The following PRPF3 variants were observed in gnomAD, a reference collection of about 807,000 sequenced individuals.
PRPF3 encodes pre-mRNA processing factor 3.
Under a neutral mutation model 89.2 loss-of-function variants are expected in PRPF3, and 3 were observed. The observed-to-expected ratio is 0.03, with a 90% confidence interval of 0.02 to 0.09. The LOEUF is 0.09. PRPF3 is among the 10% of genes least tolerant of loss of function. The pLI, the probability that PRPF3 is intolerant of heterozygous loss-of-function variation, is 1.00. For synonymous variants in PRPF3, 270 were observed against 289.1 expected, an observed-to-expected ratio of 0.93 and a Z score of 0.67; for missense variants, 463 against 828.8, an observed-to-expected ratio of 0.56 and a Z score of 5.42.
chr1:150,334,916 T>G lies in PRPF3; in HGVS notation c.729-19T>G. The stretch of plus-strand genomic sequence containing the variant: ...TAATGTTCCATACAGGATTTATTTC[T>G]TTGCGGGCTATTTTTCAGGAAGGTG... On this transcript the variant is annotated intron_variant, in intron 6 of 15. Coordinates refer to ENST00000324862, the MANE Select transcript of PRPF3 (RefSeq NM_004698.4). 2 of 1,613,850 alleles carry G rather than the reference T, an allele frequency of 1.2e-6. No individual in the cohort carries two copies. The highest frequency in any genetic ancestry group is 1.7e-6 in the Non-Finnish European group (2 of 1,179,916).
intron 4 of PRPF3, among the ~76,000 whole-genome samples, chr1:150,332,104 G>T (rs1456846738): frequency 5.9e-5 from 9 of 151,854 alleles, no homozygotes; most frequent in Admixed American, 5.3e-4. Context: ...GGCGCCTATA[G>T]TCCCAGCTAC....
intron 7 of PRPF3, among the ~76,000 whole-genome samples, chr1:150,335,750 C>T (rs1218385946): frequency 3.7e-5 from 5 of 134,662 alleles, no homozygotes; most frequent in Non-Finnish European, 7.7e-5. Flanking sequence ...CAGGCGTGAG[C>T]CACCGCCCCC....
At chr1:150,328,236 A>G in intron 3 of PRPF3, 84 bp from the exon 4 acceptor site, 3 of 1,553,558 alleles carry the variant, frequency 1.9e-6, no homozygotes, top group Non-Finnish European at 2.7e-6. Flanking sequence ...GAATAGCCAG[A>G]AAATGCTGGT....
chr1:150,326,792 T>C (rs923399723), intron 3 of PRPF3, among the ~76,000 whole-genome samples: 80 of 152,226 alleles, frequency 5.3e-4, no homozygotes, highest in African/African-American at 1.7e-3. Flanking sequence ...TGTCAGGCAG[T>C]GTGGCATGTG....
At chr1:150,328,547 ATTTTTTT>A (rs34437719) in intron 4 of PRPF3, 81 bp downstream of exon 4, 164 of 580,902 alleles carry the variant, frequency 2.8e-4, no homozygotes, top group Non-Finnish European at 3.6e-4. Context: ...TTATTGTGGA[ATTTTTTT>A]TTTTTTTTTT....
chr1:150,349,041 C>T, intron 14 of PRPF3, 116 bp from the exon 15 acceptor site: 1 of 875,316 alleles, frequency 1.1e-6, no homozygotes, highest in Middle Eastern at 2.2e-4. Context: ...AAAGAGAACA[C>T]TTGGTCCAAC....
chr1:150,324,367 C>T (rs1413127755), intron 1 of PRPF3, among the ~76,000 whole-genome samples: 1 of 152,180 alleles, frequency 6.6e-6, no homozygotes, highest in Non-Finnish European at 1.5e-5. Flanking sequence ...TTTGTTTATT[C>T]CGCAGATTTC....
chr1:150,323,013 T>G (rs1553862583), intron 1 of PRPF3, among the ~76,000 whole-genome samples: 1 of 151,648 alleles, frequency 6.6e-6, no homozygotes, highest in African/African-American at 2.4e-5. Context: ...TAGCTGGGAT[T>G]ACAGGTGCAG....
intron 1 of PRPF3, among the ~76,000 whole-genome samples, chr1:150,324,042 G>T (rs1655421614): frequency 6.6e-6 from 1 of 151,994 alleles, no homozygotes; most frequent in Admixed American, 6.6e-5. Flanking sequence ...GCCTCCCAAA[G>T]TGCTGGGATT....
intron 15 of PRPF3, among the ~76,000 whole-genome samples, 190 bp from the exon 16 acceptor site, chr1:150,352,643 C>T (rs187954098): frequency 2.6e-5 from 4 of 152,156 alleles, no homozygotes; most frequent in South Asian, 4.1e-4. Context: ...CCAGCCTGGG[C>T]GACAGAGCGA....
At chr1:150,335,338 A>G (rs587730822) in intron 7 of PRPF3, 97 bp downstream of exon 7, 1 of 1,410,370 alleles carries the variant, frequency 7.1e-7, no homozygotes, top group African/African-American at 1.4e-5. Context: ...TTAGATAAAT[A>G]GGTCATTTAA....
intron 1 of PRPF3, among the ~76,000 whole-genome samples, chr1:150,323,449 G>A (rs1335347477): frequency 1.3e-5 from 2 of 151,720 alleles, no homozygotes; most frequent in Non-Finnish European, 2.9e-5. Context: ...TTACCTGGCC[G>A]ATATGGTGAA....
Position 150,341,813 on chromosome 1 carries a change from C to T in PRPF3, c.1282+1336C>T, listed in dbSNP as rs782769269. Among the ~76,000 whole-genome samples the T allele has an allele frequency of 1.3e-4, 20 of 151,526 alleles. 1 individual carries two copies. Among genetic ancestry groups the T allele is most frequent in the African/African-American group, 4.4e-4 (18 of 41,358 alleles). Reference sequence around the variant, plus strand: ...CACCCCCCTGGGTTGAAGCTATTCTCCGGCCTTAGCCTCCGGAGTAGCTTG... The same window carrying T: ...CACCCCCCTGGGTTGAAGCTATTCTTCGGCCTTAGCCTCCGGAGTAGCTTG... On this transcript the variant is annotated intron_variant, in intron 9 of 15. Coordinates refer to ENST00000324862, the MANE Select transcript of PRPF3 (RefSeq NM_004698.4).
chr1:150,331,659 C>G (rs192147370), intron 4 of PRPF3, among the ~76,000 whole-genome samples: 6 of 152,316 alleles, frequency 3.9e-5, no homozygotes, highest in Admixed American at 2.6e-4. Context: ...GCCACCATGC[C>G]TGACCCTTCC....
chr1:150,344,613 C>A lies in PRPF3; in HGVS notation c.1640+66C>A, dbSNP rs587613404. 2.4e-3 allele frequency: 3,616 copies of A among 1,538,552 alleles called. 6 individuals are homozygous for A. The highest frequency in any genetic ancestry group is 2.9e-3 in the Non-Finnish European group (3,201 of 1,121,480). On this transcript the variant is annotated intron_variant, in intron 12 of 15. Transcript: ENST00000324862. Reference sequence around the variant, plus strand: ...TAAAACATTTTCCAAGTGCTTGAGGCAGAATCATTGTGGCCTAAAAGCATA... The same window carrying A: ...TAAAACATTTTCCAAGTGCTTGAGGAAGAATCATTGTGGCCTAAAAGCATA...
At chr1:150,345,960 C>A in intron 12 of PRPF3, 58 bp from the exon 13 acceptor site, 1 of 1,324,980 alleles carries the variant, frequency 7.5e-7, no homozygotes, top group Non-Finnish European at 1.1e-6. Context: ...CTTGCCACTC[C>A]ATTCAGGCAG....
At chr1:150,333,991 T>C (rs11587606) in intron 6 of PRPF3, among the ~76,000 whole-genome samples, 12,463 of 152,202 alleles carry the variant, frequency 0.082, 680 homozygotes, top group Non-Finnish European at 0.12. Flanking sequence ...TACTGAAATA[T>C]CCACTTTGAT....
rs1290160342 is a variant in PRPF3 at position 150,340,595 on chromosome 1, A to G, written c.1282+118A>G. The stretch of plus-strand genomic sequence containing the variant: ...AATACAATAGCCACTACCCATGTGT[A>G]ATTCTTTTTTTTAATTCAGTTTTTT... On this transcript the variant is annotated intron_variant, in intron 9 of 15. Coordinates refer to ENST00000324862, the MANE Select transcript of PRPF3 (RefSeq NM_004698.4). 4 of 801,738 alleles carry G rather than the reference A, an allele frequency of 5.0e-6. No homozygotes were observed. In the African/African-American group the frequency reaches 6.9e-5, roughly 14 times the overall value. 49.7% of individuals were successfully genotyped at this position (801,738 alleles called of 1,614,324 possible). A position where few individuals can be genotyped will look rare whatever the true frequency, so the allele number is the denominator to read the frequency against.
At chr1:150,328,023 G>C (rs933473097) in intron 3 of PRPF3, 5 of 388,708 alleles carry the variant, frequency 1.3e-5, no homozygotes, top group South Asian at 5.0e-5. Flanking sequence ...TTGGAACAGG[G>C]GTTGTGGAAA....
Sources: allele counts gnomAD v4.1 joint callset (sites outside exome capture counted in the v4.1 genomes callset), GRCh38; gene constraint gnomAD v4.1.1; transcripts MANE v1.5; gene names NCBI Gene and HGNC (gene_info 2026-07-23, HGNC 2026-07-21).